Variants in CHRDL1 observed in about 807,000 individuals in gnomAD.
CHRDL1 encodes chordin like 1.
Under a neutral mutation model 40.9 loss-of-function variants are expected in CHRDL1, and 19 were observed. That is an observed-to-expected ratio of 0.46 (90% CI 0.32 to 0.68). The LOEUF (loss-of-function observed/expected upper bound fraction) is 0.68, where lower values mean the gene tolerates loss of function less well. Ranked by LOEUF, CHRDL1 falls within the 30% of genes least tolerant of loss-of-function variation. The pLI, the probability that CHRDL1 is intolerant of heterozygous loss-of-function variation, is 0.03. For missense variants in CHRDL1, 329 were observed against 352.1 expected (o/e 0.93, Z 0.53); for synonymous variants, 136 against 123.4 (o/e 1.10, Z -0.68).
chrX:110,748,935 C>G (rs2089305071), intron 4 of CHRDL1, among the ~76,000 whole-genome samples: 1 of 109,970 alleles, frequency 9.1e-6, no homozygotes, highest in Non-Finnish European at 1.9e-5. Context: ...GAACTGTACA[C>G]ATAAAAATGG....
At chrX:110,720,040 G>A (rs2070920128) in intron 5 of CHRDL1, 112 bp from the exon 6 acceptor site, 2 of 430,724 alleles carry the variant, frequency 4.6e-6, no homozygotes, top group Admixed American at 7.4e-5. Flanking sequence ...CTTCCCCCCA[G>A]CTCTCCCATC....
intron 4 of CHRDL1, among the ~76,000 whole-genome samples, chrX:110,740,497 T>C (rs2071341508): frequency 8.9e-6 from 1 of 112,511 alleles, no homozygotes; most frequent in Admixed American, 9.4e-5. Flanking sequence ...CAGAGTCTGT[T>C]GGTGATAATG....
chrX:110,723,311 T>A (rs2070998095), intron 4 of CHRDL1, among the ~76,000 whole-genome samples: 1 of 111,378 alleles, frequency 9.0e-6, no homozygotes, highest in African/African-American at 3.3e-5. Context: ...ATTCTCAGTA[T>A]GTAGTGAAAA....
chrX:110,762,660 C>T (rs758924735), intron 3 of CHRDL1, 35 bp downstream of exon 3: 5 of 841,263 alleles, frequency 5.9e-6, no homozygotes, highest in South Asian at 2.2e-5. Flanking sequence ...TGCTGAGGAG[C>T]AAACTGGGAA....
chrX:110,765,265 C>T (rs957656417), intron 2 of CHRDL1, among the ~76,000 whole-genome samples: 4 of 111,675 alleles, frequency 3.6e-5, no homozygotes, highest in South Asian at 7.6e-4. Context: ...TCACCCCCAG[C>T]GGCCCAGCTG....
At chrX:110,748,347 A>T (rs2089295580) in intron 4 of CHRDL1, among the ~76,000 whole-genome samples, 1 of 112,069 alleles carries the variant, frequency 8.9e-6, no homozygotes, top group African/African-American at 3.2e-5. Flanking sequence ...TTCTATTCCT[A>T]TGGATTTCTC....
chrX:110,744,391 C>T (rs940900617), intron 4 of CHRDL1, among the ~76,000 whole-genome samples: 1 of 111,256 alleles, frequency 9.0e-6, no homozygotes, highest in African/African-American at 3.3e-5. Flanking sequence ...CTTTTGTTCC[C>T]TAATTCAGAT....
chrX:110,694,088 C>G, intron 8 of CHRDL1, 75 bp downstream of exon 8: 2 of 839,166 alleles, frequency 2.4e-6, no homozygotes, highest in East Asian at 3.2e-5. Context: ...GGGTCCTTTC[C>G]CAGCTCCAGC....
intron 10 of CHRDL1, 131 bp downstream of exon 10, chrX:110,681,351 T>C: frequency 1.1e-5 from 6 of 528,379 alleles, no homozygotes; most frequent in Non-Finnish European, 1.9e-5. Context: ...GTTAGATATG[T>C]CAGTTTCTAA....
At chrX:110,780,812 C>T (rs1250479611) in intron 2 of CHRDL1, among the ~76,000 whole-genome samples, 7 of 111,053 alleles carry the variant, frequency 6.3e-5, no homozygotes, top group South Asian at 3.8e-4. Context: ...TTTTTCTTAT[C>T]GGCAAGGTTG....
chrX:110,689,430 A>ATC (rs1249778191), intron 8 of CHRDL1, among the ~76,000 whole-genome samples: 9 of 67,949 alleles, frequency 1.3e-4, no homozygotes, highest in East Asian at 3.4e-4. Flanking sequence ...ATATCTATAT[A>ATC]TCTATATATC....
At chrX:110,725,771 A>G (rs1390591411) in intron 4 of CHRDL1, among the ~76,000 whole-genome samples, 1 of 112,092 alleles carries the variant, frequency 8.9e-6, no homozygotes, top group Non-Finnish European at 1.9e-5. Context: ...ACGCCAAGCC[A>G]TCTTTTCTTT....
intron 6 of CHRDL1, among the ~76,000 whole-genome samples, chrX:110,711,052 G>C (rs1048760470): frequency 9.0e-6 from 1 of 111,315 alleles, no homozygotes; most frequent in African/African-American, 3.3e-5. Flanking sequence ...ATAATCTCTA[G>C]ATTACTTATA....
chrX:110,695,976 T>C (rs771172375), intron 7 of CHRDL1, among the ~76,000 whole-genome samples: 2 of 112,234 alleles, frequency 1.8e-5, no homozygotes, highest in Admixed American at 1.9e-4. Flanking sequence ...GGATTCTCAG[T>C]TCAAATATTT....
At chrX:110,741,365 C>T (rs2071357336) in intron 4 of CHRDL1, among the ~76,000 whole-genome samples, 1 of 111,808 alleles carries the variant, frequency 8.9e-6, no homozygotes. Flanking sequence ...TGACAGTCCT[C>T]AGAATGACTC....
At chrX:110,733,896 C>T (rs1271358799) in intron 4 of CHRDL1, among the ~76,000 whole-genome samples, 2 of 90,442 alleles carry the variant, frequency 2.2e-5, no homozygotes, top group South Asian at 5.7e-4. Context: ...TGCTGTAGAT[C>T]GCACAGCCTG....
Position 110,778,332 on chromosome X carries a change from A to G in CHRDL1, c.94+13756T>C, listed in dbSNP as rs757333473. Among the ~76,000 whole-genome samples, 5 of 112,388 alleles carry G rather than the reference A, an allele frequency of 4.4e-5. No individual in the cohort carries two copies. The South Asian group carries it at 1.8e-3, about 41-fold the overall frequency. On this transcript the variant is annotated intron_variant, in intron 2 of 11. Coordinates refer to ENST00000372042, the MANE Select transcript of CHRDL1 (RefSeq NM_001143981.2). ...GTAAACAGATAGCCTACAGAATGGG[A>G]GAAAATATTTGCAAACTATGCATCT...
chrX:110,721,145 C>A (rs1284477763), intron 5 of CHRDL1, among the ~76,000 whole-genome samples: 1 of 112,202 alleles, frequency 8.9e-6, no homozygotes, highest in Non-Finnish European at 1.9e-5. Context: ...CTCACCTTTG[C>A]CCATTTAAGC....
intron 8 of CHRDL1, among the ~76,000 whole-genome samples, chrX:110,689,711 A>ATATATC (rs2070172639): frequency 3.2e-5 from 1 of 31,437 alleles, no homozygotes; most frequent in Non-Finnish European, 4.8e-5. Flanking sequence ...ATATATCTAT[A>ATATATC]TATATATCTA....
Sources: gnomAD v4.1 joint callset for allele counts (sites outside exome capture counted in the v4.1 genomes callset) on GRCh38, gnomAD v4.1.1 for gene constraint, MANE v1.5 for transcripts, NCBI Gene and HGNC (gene_info 2026-07-23, HGNC 2026-07-21) for gene names.